The following SLC4A3 variants were observed in gnomAD, a reference collection of about 807,000 sequenced individuals.
SLC4A3 encodes solute carrier family 4 member 3.
In SLC4A3, 47 loss-of-function variants were observed where a neutral mutation model predicts 114.2. The ratio of observed to expected loss-of-function variants is 0.41; its 90% confidence interval spans 0.33 to 0.52. The LOEUF (loss-of-function observed/expected upper bound fraction) is 0.52, where lower values mean the gene tolerates loss of function less well. Among genes scored for constraint, SLC4A3 ranks in the 20% least tolerant of loss-of-function variants. The pLI is 0.21. For synonymous variants in SLC4A3, 693 were observed against 710.3 expected, an observed-to-expected ratio of 0.98 and a Z score of 0.39; for missense variants, 1,312 against 1,668.3, an observed-to-expected ratio of 0.79 and a Z score of 3.72.
intron 11 of SLC4A3, 22 bp from the exon 12 acceptor site, chr2:219,634,398 C>T (rs1699045847): frequency 6.2e-7 from 1 of 1,612,582 alleles, no homozygotes; most frequent in African/African-American, 1.3e-5. Context: ...GCCCAGCGCC[C>T]TGTGCTTTCC....
chr2:219,628,012 C>G lies in SLC4A3; in HGVS notation c.20C>G (p.Pro7Arg). The G allele has an allele frequency of 6.3e-7, 1 of 1,594,846 alleles. No homozygotes were observed. The change falls in exon 2 of 23, where the codon CCG becomes CGG. Residue 7 changes from proline to arginine, a missense_variant. This residue lies in a region of SLC4A3 where 236 missense variants were observed against 212.1 expected (regional missense o/e 1.11). Transcript: ENST00000358055. The surrounding 1 kb of genome is among the most constrained non-coding windows in gnomAD (Gnocchi z 4.8). ...CTGGCCATGGCCAACGGAGTGATCC[C>G]GCCGCCCGGGGGCGCCTCCCCCCTA... MANGVI[P>R]PPGGASPLPQ...
chr2:219,633,539 T>G, intron 10 of SLC4A3, 82 bp downstream of exon 10: 1 of 1,268,128 alleles, frequency 7.9e-7, no homozygotes, highest in Non-Finnish European at 1.1e-6. Context: ...CTTCACTGAG[T>G]GGGTTGGGAA....
chr2:219,629,884 G>A (rs1288915847), intron 5 of SLC4A3, among the ~76,000 whole-genome samples, 189 bp downstream of exon 5: 1 of 2,294 alleles, frequency 4.4e-4, no homozygotes, highest in African/African-American at 4.7e-4. Flanking sequence ...AGAGAACAAG[G>A]GGGGGGGGAG....
Position 219,636,686 on chromosome 2 carries a change from C to G in SLC4A3, c.2347C>G (p.Arg783Gly), listed in dbSNP as rs150010736. 1.2e-6 allele frequency: 2 copies of G among 1,612,962 alleles called. No individual in the cohort carries two copies. The highest frequency in any genetic ancestry group is 1.7e-6 in the Non-Finnish European group (2 of 1,179,412). Residue 783 changes from arginine to glycine, a missense_variant, in exon 16 of 23, where the codon CGA becomes GGA. This residue lies in a region of SLC4A3 where 771 missense variants were observed against 977.7 expected (regional missense o/e 0.79). Transcript: ENST00000358055. The surrounding 1 kb of genome is among the most constrained non-coding windows in gnomAD (Gnocchi z 5.5). Reference sequence around the variant, plus strand: ...CGCTCCTACCCCCACCTAGTTCTGCCGAGCCCAGGACCTGGAGTACCTCAC... The same window carrying G: ...CGCTCCTACCCCCACCTAGTTCTGCGGAGCCCAGGACCTGGAGTACCTCAC... ...VFEEAFFKFC[R>G]AQDLEYLTGR...
At position 219,628,432 on chromosome 2, in the gene SLC4A3, C is replaced by G; in HGVS notation, c.79C>G (p.Leu27Val). The G allele has an allele frequency of 3.7e-6, 6 of 1,613,202 alleles. No individual in the cohort carries two copies. The highest frequency in any genetic ancestry group is 5.1e-6 in the Non-Finnish European group (6 of 1,179,694). ...QVRVPLEEPP[L>V]SPDVEEEDDD... ...CCGGGTGCCCTTGGAGGAGCCCCCT[C>G]TAAGTCCAGACGTGGAGGAGGAGGA... Residue 27 changes from leucine (L) to valine (V), a missense_variant, in exon 3 of 23, where the codon CTA (leucine) becomes GTA (valine). Leu to Val is a conservative substitution (Grantham distance 32). Transcript: ENST00000358055. This position sits in a 1 kb window ranked among gnomAD's most constrained non-coding sequence, Gnocchi z 4.8.
Position 219,641,729 on chromosome 2 carries a change from C to A in SLC4A3, c.*1C>A. ...CAATGAGCTGCACATGCCAGTGTGA[C>A]CCTTGAAGACAGTGCCCCTCAGAGA... On this transcript the variant is annotated 3_prime_UTR_variant, in exon 23 of 23. Coordinates refer to ENST00000358055, the MANE Select transcript of SLC4A3 (RefSeq NM_005070.4). The surrounding 1 kb of genome is among the most constrained non-coding windows in gnomAD (Gnocchi z 4.0). 1 of 1,612,940 alleles carries A rather than the reference C, an allele frequency of 6.2e-7. No homozygotes were observed. Among genetic ancestry groups the A allele is most frequent in the South Asian group, 1.1e-5 (1 of 91,036 alleles).
Position 219,636,188 on chromosome 2 carries a change from CACTCTAA to C in SLC4A3, c.2192-113_2192-107del. The stretch of plus-strand genomic sequence containing the variant: ...GGGGTATGGAAGGGGCCCTGTGTGT[CACTCTAA>C]GGGGCTGCTCTGCTTTTGTTGGGGG... On this transcript the variant is annotated intron_variant, in intron 14 of 22. Coordinates refer to ENST00000358055, the MANE Select transcript of SLC4A3 (RefSeq NM_005070.4). This position sits in a 1 kb window ranked among gnomAD's most constrained non-coding sequence, Gnocchi z 5.5. 8.2e-7 allele frequency: 1 copy of C among 1,218,434 alleles called. No individual in the cohort carries two copies. Among genetic ancestry groups the C allele is most frequent in the South Asian group, 1.3e-5 (1 of 75,394 alleles). 75.5% of individuals were successfully genotyped at this position (1,218,434 alleles called of 1,614,324 possible). A position where few individuals can be genotyped will look rare whatever the true frequency, so the allele number is the denominator to read the frequency against.
In SLC4A3 at chr2:219,641,751, G is replaced by A; in HGVS notation, c.*23G>A. 1 of 1,597,230 alleles carries A rather than the reference G, an allele frequency of 6.3e-7. No individual in the cohort carries two copies. Among genetic ancestry groups the A allele is most frequent in the Non-Finnish European group, 8.6e-7 (1 of 1,164,724 alleles). On this transcript the variant is annotated 3_prime_UTR_variant, in exon 23 of 23. Coordinates refer to ENST00000358055, the MANE Select transcript of SLC4A3 (RefSeq NM_005070.4). This position sits in a 1 kb window ranked among gnomAD's most constrained non-coding sequence, Gnocchi z 4.0. The stretch of plus-strand genomic sequence containing the variant: ...TGACCCTTGAAGACAGTGCCCCTCA[G>A]AGACCCCAAGACCTTAGGGATTGAC...
Position 219,639,985 on chromosome 2 carries a change from A to G in SLC4A3, c.3277+250A>G, listed in dbSNP as rs1699262610. Among the ~76,000 whole-genome samples, 1 of 151,862 alleles carries G rather than the reference A, an allele frequency of 6.6e-6. No individual in the cohort carries two copies. Among genetic ancestry groups the G allele is most frequent in the South Asian group, 2.1e-4 (1 of 4,828 alleles). ...CGCTCTGTCACCCAGGCTGGAGTGC[A>G]GTGGCGCGATCTCGGCTCACTGCAA... On this transcript the variant is annotated intron_variant, in intron 20 of 22. Transcript: ENST00000358055. This position sits in a 1 kb window ranked among gnomAD's most constrained non-coding sequence, Gnocchi z 5.9.
Position 219,636,370 on chromosome 2 carries a change from T to A in SLC4A3, c.2260T>A (p.Phe754Ile), listed in dbSNP as rs766393699. 1.2e-6 allele frequency: 2 copies of A among 1,613,820 alleles called. No individual in the cohort carries two copies. Among genetic ancestry groups the A allele is most frequent in the South Asian group, 2.2e-5 (2 of 91,076 alleles). Reference protein sequence around the residue: ...IVSTAVLGVLFSLLGAQPLLV... With the variant: ...IVSTAVLGVLISLLGAQPLLV... ...GTCCACCGCTGTGCTCGGCGTCCTC[T>A]TCTCTCTGCTGGGAGCTCAGCCGCT... is the stretch of plus-strand genomic sequence containing the variant. Residue 754 changes from phenylalanine to isoleucine, a missense_variant, in exon 15 of 23, where the codon TTC becomes ATC. Coordinates refer to ENST00000358055, the MANE Select transcript of SLC4A3 (RefSeq NM_005070.4). This position sits in a 1 kb window ranked among gnomAD's most constrained non-coding sequence, Gnocchi z 5.5.
In SLC4A3 at chr2:219,635,755, T is replaced by G. The variant is rs755217320; in HGVS notation, c.2055T>G (p.Leu685=). Reference sequence around the variant, plus strand: ...GGACGGGCTCGGTATTTGGGGGGCTTGTGCGGGATGTGAGGCGCCGGTACC... The same window carrying G: ...GGACGGGCTCGGTATTTGGGGGGCTGGTGCGGGATGTGAGGCGCCGGTACC... The part of the protein sequence containing the change: ...LLRTGSVFGG[L]VRDVRRRYPH... The change falls in exon 14 of 23, where the codon CTT becomes CTG. Residue 685 remains leucine, a synonymous_variant. Transcript: ENST00000358055. The G allele has an allele frequency of 4.4e-6, 7 of 1,595,034 alleles. No individual in the cohort carries two copies. The South Asian group carries it at 8.0e-5, about 18-fold the overall frequency.
At position 219,636,889 on chromosome 2, in the gene SLC4A3, A is replaced by G; in HGVS notation, c.2535+15A>G. The G allele has an allele frequency of 1.2e-6, 2 of 1,607,530 alleles. No homozygotes were observed. Among genetic ancestry groups the G allele is most frequent in the Non-Finnish European group, 1.7e-6 (2 of 1,175,226 alleles). On this transcript the variant is annotated intron_variant, in intron 16 of 22. Coordinates refer to ENST00000358055, the MANE Select transcript of SLC4A3 (RefSeq NM_005070.4). The surrounding 1 kb of genome is among the most constrained non-coding windows in gnomAD (Gnocchi z 5.5). ...AGCTCTACAAGGTGGAGGTCCAGCG[A>G]GGTCTTGGGGGTGGCAGAGATGGAG... is the stretch of plus-strand genomic sequence containing the variant.
Position 219,635,894 on chromosome 2 carries a change from A to T in SLC4A3, c.2191+3A>T. 1 of 1,503,580 alleles carries T rather than the reference A, an allele frequency of 6.7e-7. No homozygotes were observed. Among genetic ancestry groups the T allele is most frequent in the Non-Finnish European group, 8.8e-7 (1 of 1,129,958 alleles). 93.1% of individuals were successfully genotyped at this position (1,503,580 alleles called of 1,614,324 possible). A position where few individuals can be genotyped will look rare whatever the true frequency, so the allele number is the denominator to read the frequency against. On this transcript the variant is annotated splice_donor_region_variant and intron_variant, in intron 14 of 22. Coordinates refer to ENST00000358055, the MANE Select transcript of SLC4A3 (RefSeq NM_005070.4). ...CATCACCTTCGGGGGGCTGCTGGGT[A>T]AGGGACTGGGGCTTGGGGAGTTGAG... is the stretch of plus-strand genomic sequence containing the variant.
chr2:219,632,196 T>TGCCCCCCACCGAGGGCCC, intron 7 of SLC4A3, 66 bp from the exon 8 acceptor site: 1 of 1,610,034 alleles, frequency 6.2e-7, no homozygotes, highest in Non-Finnish European at 8.5e-7. Context: ...CCCCCCTGCC[T>TGCCCCCCACCGAGGGCCC]TGCCCCATCA....
chr2:219,637,693 C>G lies in SLC4A3; in HGVS notation c.2648C>G (p.Pro883Arg), dbSNP rs145432587. The G allele has an allele frequency of 3.6e-5, 58 of 1,612,634 alleles. No individual in the cohort carries two copies. In the African/African-American group the frequency reaches 6.5e-4, roughly 18 times the overall value. Reference protein sequence around the residue: ...NGSALPPTEGPPSPRNQPNTA... With the variant: ...NGSALPPTEGRPSPRNQPNTA... The stretch of plus-strand genomic sequence containing the variant: ...AGTGCCCTGCCCCCCACCGAGGGCC[C>G]CCCCAGCCCGAGGAACCAGCCCAAT... The change falls in exon 17 of 23, where the codon CCC (proline) becomes CGC (arginine). Residue 883 changes from proline to arginine, a missense_variant. Physicochemically the swap from Pro to Arg is moderately radical, Grantham distance 103. Transcript: ENST00000358055. This position sits in a 1 kb window ranked among gnomAD's most constrained non-coding sequence, Gnocchi z 4.6.
rs1574646582 is a variant in SLC4A3 at position 219,631,011 on chromosome 2, T to C, written c.811+659T>C. On this transcript the variant is annotated intron_variant, in intron 6 of 22. Transcript: ENST00000358055. The surrounding 1 kb of genome is among the most constrained non-coding windows in gnomAD (Gnocchi z 6.3). ...GAGGACAGGGACAGGAACAATCCGATGGCAGCAGTAGCAGCAGGATGGGGG... is the reference window on the plus strand; with the variant it reads ...GAGGACAGGGACAGGAACAATCCGACGGCAGCAGTAGCAGCAGGATGGGGG... 2 of 588,574 alleles carry C rather than the reference T, an allele frequency of 3.4e-6. No homozygotes were observed. Among genetic ancestry groups the C allele is most frequent in the Non-Finnish European group, 4.3e-6 (2 of 462,246 alleles). 36.5% of individuals were successfully genotyped at this position (588,574 alleles called of 1,614,324 possible). A position where few individuals can be genotyped will look rare whatever the true frequency, so the allele number is the denominator to read the frequency against.
chr2:219,638,262 G>GCC lies in SLC4A3; in HGVS notation c.2856+12_2856+13dup. The GCC allele has an allele frequency of 1.9e-6, 3 of 1,601,066 alleles. No homozygotes were observed. The highest frequency in any genetic ancestry group is 1.7e-6 in the Non-Finnish European group (2 of 1,171,168). Reference sequence around the variant, plus strand: ...CAGACACCTACACGCAGGTGAGGGAGCCCCAGCCTGTGGCAGCTGCTGTCA... The same window carrying GCC: ...CAGACACCTACACGCAGGTGAGGGAGCCCCCCAGCCTGTGGCAGCTGCTGTCA... On this transcript the variant is annotated intron_variant, in intron 18 of 22. Coordinates refer to ENST00000358055, the MANE Select transcript of SLC4A3 (RefSeq NM_005070.4). This position sits in a 1 kb window ranked among gnomAD's most constrained non-coding sequence, Gnocchi z 7.5.
At chr2:219,632,771 C>G (rs959207618) in intron 8 of SLC4A3, 103 bp from the exon 9 acceptor site, 9 of 1,486,500 alleles carry the variant, frequency 6.1e-6, no homozygotes, top group Non-Finnish European at 7.4e-6. Flanking sequence ...GGCGCTTTGC[C>G]CTTCCAGCAC....
rs1698816171 is a variant in SLC4A3 at position 219,628,872 on chromosome 2, GCTAGTCCAA to G, written c.218-269_218-261del. ...CTCACTCCCTCCTTGTCCCACCTCG[GCTAGTCCAA>G]CTCCGCCTTTCCCCTCCTTGCTGTA... On this transcript the variant is annotated intron_variant, in intron 3 of 22. Coordinates refer to ENST00000358055, the MANE Select transcript of SLC4A3 (RefSeq NM_005070.4). This position sits in a 1 kb window ranked among gnomAD's most constrained non-coding sequence, Gnocchi z 4.8. 3.4e-6 allele frequency: 2 copies of G among 580,648 alleles called. No individual in the cohort carries two copies. The allele number at this position is 580,648 out of a possible 1,614,324, so 36.0% of individuals were successfully genotyped here. A position where few individuals can be genotyped will look rare whatever the true frequency, so the allele number is the denominator to read the frequency against.
Sources: allele counts gnomAD v4.1 joint callset (sites outside exome capture counted in the v4.1 genomes callset), GRCh38; gene constraint gnomAD v4.1.1; regional missense constraint gnomAD v4.1.1; non-coding constraint Gnocchi (gnomAD v3.1); transcripts MANE v1.5; gene names NCBI Gene and HGNC (gene_info 2026-07-23, HGNC 2026-07-21).